The following NBEAL1 variants were observed in gnomAD, a reference collection of about 807,000 sequenced individuals.
The protein encoded by NBEAL1 is neurobeachin like 1.
In NBEAL1, 273 loss-of-function variants were observed where a neutral mutation model predicts 351.3. The ratio of observed to expected loss-of-function variants is 0.78; its 90% CI spans 0.70 to 0.86. The LOEUF is 0.86. Ranked by LOEUF, NBEAL1 falls within the 40% of genes least tolerant of loss-of-function variation. The pLI, the probability that NBEAL1 is intolerant of heterozygous loss-of-function variation, is 0.00. For missense variants in NBEAL1, 2,961 were observed against 3,201.3 expected, an observed-to-expected ratio of 0.92 and a Z score of 1.81; for synonymous variants, 1,050 against 1,086.4, an observed-to-expected ratio of 0.97 and a Z score of 0.66.
intron 2 of NBEAL1, among the ~76,000 whole-genome samples, chr2:203,037,946 A>G (rs751983068): frequency 2.0e-5 from 3 of 149,014 alleles, no homozygotes; most frequent in African/African-American, 7.3e-5. Flanking sequence ...CAGAGTGAGA[A>G]CCTGTCTCAT....
intron 35 of NBEAL1, among the ~76,000 whole-genome samples, chr2:203,153,723 T>C (rs2063722220): frequency 1.3e-5 from 2 of 152,342 alleles, no homozygotes; most frequent in Middle Eastern, 3.4e-3. Flanking sequence ...CTTTGAAATG[T>C]AACTATCATT....
chr2:203,068,261 C>T (rs570267617), intron 6 of NBEAL1, 132 bp from the exon 7 acceptor site: 165 of 446,442 alleles, frequency 3.7e-4, no homozygotes, highest in African/African-American at 3.1e-3. Flanking sequence ...CAAGATTATG[C>T]GGATCCTAGA....
intron 35 of NBEAL1, among the ~76,000 whole-genome samples, chr2:203,156,235 G>T (rs2063794840): frequency 6.6e-6 from 1 of 152,086 alleles, no homozygotes; most frequent in Non-Finnish European, 1.5e-5. Flanking sequence ...TACTGTGTCT[G>T]GTTGATTCTA....
At position 203,169,832 on chromosome 2, in the gene NBEAL1, A is replaced by G; in HGVS notation, c.6083A>G (p.Lys2028Arg). ...YGSRSPQELF[K>R]ASGLTQKWVN... ...AGCAGATCACCACAGGAGTTATTCA[A>G]AGCATCAGGATTGACACAGGTAGGA... Residue 2028 changes from lysine to arginine, a missense_variant, in exon 39 of 56, where the codon AAA becomes AGA. Physicochemically the swap from Lys to Arg is conservative, Grantham distance 26 (BLOSUM62 2). Coordinates refer to ENST00000683969, the MANE Select transcript of NBEAL1 (RefSeq NM_001378026.1). The G allele has an allele frequency of 1.2e-6, 2 of 1,604,040 alleles. No individual in the cohort carries two copies. The highest frequency in any genetic ancestry group is 1.7e-6 in the Non-Finnish European group (2 of 1,173,762).
chr2:203,132,976 C>A, intron 26 of NBEAL1, 82 bp from the exon 27 acceptor site: 1 of 633,620 alleles, frequency 1.6e-6, no homozygotes, highest in South Asian at 2.1e-5. Flanking sequence ...ATTATTTCAG[C>A]ATTTTATACA....
intron 6 of NBEAL1, among the ~76,000 whole-genome samples, chr2:203,067,876 A>G (rs968293842): frequency 1.1e-4 from 17 of 152,220 alleles, no homozygotes; most frequent in African/African-American, 4.1e-4. Flanking sequence ...CCTGTAGAAA[A>G]CATAACATCC....
rs2064001005 is a variant in NBEAL1 at position 203,162,622 on chromosome 2, TG to T, written c.5715-3525del. Reference sequence around the variant, plus strand: ...AACTTGGCATGGTGATGTGAGCCTTTGGTCTCAGCTACTTGGGAGGCTGAAG... The same window carrying T: ...AACTTGGCATGGTGATGTGAGCCTTTGTCTCAGCTACTTGGGAGGCTGAAG... On this transcript the variant is annotated intron_variant, in intron 36 of 55. Coordinates refer to ENST00000683969, the MANE Select transcript of NBEAL1 (RefSeq NM_001378026.1). Among the ~76,000 whole-genome samples the T allele has an allele frequency of 2.0e-5, 3 of 152,052 alleles. No individual in the cohort carries two copies. The South Asian group carries it at 6.2e-4, about 32-fold the overall frequency.
chr2:203,077,148 A>G lies in NBEAL1; in HGVS notation c.599-604A>G, dbSNP rs181097798. ...GACAAGGGGCCGGGTGTGGTGGCTC[A>G]TGCCTGTAATCTCAGCACTTTGGGA... On this transcript the variant is annotated intron_variant, in intron 7 of 55. Coordinates refer to ENST00000683969, the MANE Select transcript of NBEAL1 (RefSeq NM_001378026.1). Among the ~76,000 whole-genome samples, 1,339 of 152,212 alleles carry G rather than the reference A, an allele frequency of 8.8e-3. 10 individuals carry two copies. The highest frequency in any genetic ancestry group is 0.014 in the Non-Finnish European group (972 of 68,010).
At chr2:203,171,822 C>CTT (rs5837845) in intron 39 of NBEAL1, 106 bp from the exon 40 acceptor site, 13,221 of 381,082 alleles carry the variant, frequency 0.035, 85 homozygotes, top group Non-Finnish European at 0.04. Context: ...CCTGTTGTAC[C>CTT]TTTTTTTTTT....
intron 12 of NBEAL1, among the ~76,000 whole-genome samples, chr2:203,104,550 T>C (rs545994375): frequency 7.4e-4 from 113 of 152,350 alleles, no homozygotes; most frequent in Middle Eastern, 3.4e-3. Context: ...TCAAGGTTAG[T>C]ACTAATCTGT....
At chr2:203,175,550 T>A (rs1277544401) in intron 42 of NBEAL1, among the ~76,000 whole-genome samples, 1 of 152,200 alleles carries the variant, frequency 6.6e-6, no homozygotes, top group Non-Finnish European at 1.5e-5. Flanking sequence ...TATAATTAGA[T>A]CTGATTTAGA....
chr2:203,030,856 A>C (rs1374482805), intron 2 of NBEAL1, among the ~76,000 whole-genome samples: 1 of 152,170 alleles, frequency 6.6e-6, no homozygotes, highest in Admixed American at 6.5e-5. Context: ...CTACAAAAAA[A>C]ATTCAAAAAT....
At chr2:203,175,580 C>G (rs1309122239) in intron 42 of NBEAL1, among the ~76,000 whole-genome samples, 1 of 152,006 alleles carries the variant, frequency 6.6e-6, no homozygotes, top group Non-Finnish European at 1.5e-5. Context: ...AAGGCATCAC[C>G]GGAGAGTCAA....
Position 203,138,200 on chromosome 2 carries a change from A to G in NBEAL1, c.4604A>G (p.Asn1535Ser), listed in dbSNP as rs2063268943. The part of the protein sequence containing the change: ...QKMLEWAISE[N>S]REAKTNPVTA... The stretch of plus-strand genomic sequence containing the variant: ...ATGTTAGAATGGGCAATCTCAGAAA[A>G]CAGAGAAGCAAAAACTAATCCAGTA... The change falls in exon 30 of 56, where the codon AAC (asparagine) becomes AGC (serine). Residue 1535 changes from asparagine (N) to serine (S), a missense_variant. Asn to Ser is a conservative substitution (Grantham distance 46, BLOSUM62 1). Transcript: ENST00000683969. 1.2e-6 allele frequency: 2 copies of G among 1,614,088 alleles called. No individual in the cohort carries two copies. The highest frequency in any genetic ancestry group is 8.5e-7 in the Non-Finnish European group (1 of 1,179,980).
Position 203,219,537 on chromosome 2 carries a change from A to T in NBEAL1, c.*2183A>T, listed in dbSNP as rs1030512497. The T allele has an allele frequency of 2.0e-5, 3 of 152,018 alleles. No homozygotes were observed. The highest frequency in any genetic ancestry group is 2.9e-5 in the Non-Finnish European group (2 of 68,006). The allele number at this position is 152,018 out of a possible 1,614,324, so 9.4% of individuals were successfully genotyped here. ...GTACAAGGTAGTGGAATTATTTCTT[A>T]TATTGCTTTTTCCAAAAAGTAAAAA... On this transcript the variant is annotated 3_prime_UTR_variant, in exon 56 of 56. Transcript: ENST00000683969.
chr2:203,028,368 T>C (rs1261022157), intron 2 of NBEAL1, among the ~76,000 whole-genome samples: 2 of 152,046 alleles, frequency 1.3e-5, no homozygotes, highest in Non-Finnish European at 2.9e-5. Flanking sequence ...TATTTTACTT[T>C]TATGCTGAGC....
intron 2 of NBEAL1, among the ~76,000 whole-genome samples, chr2:203,020,001 T>C (rs1324639518): frequency 6.6e-6 from 1 of 151,790 alleles, no homozygotes; most frequent in East Asian, 1.9e-4. Flanking sequence ...ATAATAATTT[T>C]ATCTGATAAT....
At chr2:203,084,220 C>T (rs1267013372) in intron 9 of NBEAL1, among the ~76,000 whole-genome samples, 1 of 152,048 alleles carries the variant, frequency 6.6e-6, no homozygotes, top group East Asian at 1.9e-4. Context: ...CTAGGAAATT[C>T]AGATAAGTAA....
chr2:203,193,098 A>G (rs867826855), intron 46 of NBEAL1, among the ~76,000 whole-genome samples: 1 of 150,474 alleles, frequency 6.6e-6, no homozygotes, highest in Middle Eastern at 3.2e-3. Context: ...CAGCCTCTCA[A>G]GTAGCTGGGA....
Sources: allele counts gnomAD v4.1 joint callset (sites outside exome capture counted in the v4.1 genomes callset), GRCh38; gene constraint gnomAD v4.1.1; transcripts MANE v1.5; gene names NCBI Gene and HGNC (gene_info 2026-07-23, HGNC 2026-07-21).